The following GSKIP variants were observed in gnomAD, a reference collection of about 807,000 sequenced individuals.
The protein encoded by GSKIP is GSK3B interacting protein, also known as GSK3B-interacting protein.
In GSKIP, 5 loss-of-function variants were observed where a neutral mutation model predicts 11.9. The ratio of observed to expected loss-of-function variants is 0.42; its 90% confidence interval spans 0.22 to 0.89. The LOEUF (loss-of-function observed/expected upper bound fraction) is 0.89, where lower values mean the gene tolerates loss of function less well. Among genes scored for constraint, GSKIP ranks in the 40% least tolerant of loss-of-function variants. GSKIP has a pLI of 0.29. For missense variants in GSKIP, 150 were observed against 166.6 expected (o/e 0.90, Z 0.55); for synonymous variants, 70 against 62.9 (o/e 1.11, Z -0.54).
At chr14:96,369,248 C>T (rs959969810) in intron 1 of GSKIP, among the ~76,000 whole-genome samples, 1 of 151,850 alleles carries the variant, frequency 6.6e-6, no homozygotes, top group African/African-American at 2.4e-5. Context: ...TAACAGCTTA[C>T]AATTAAATAT....
rs1223652674 is a variant in GSKIP at position 96,385,534 on chromosome 14, T to C, written c.270T>C (p.Tyr90=). Residue 90 remains tyrosine, a synonymous_variant, in exon 4 of 4, where the codon TAT becomes TAC. Coordinates refer to ENST00000555181, the MANE Select transcript of GSKIP (RefSeq NM_016472.5). ...CATTTCTCTTGTAGGTGGTAGGCTA[T>C]GCTTTTGACCAGGTAGATGATCATT... ...LTEAGLKVVG[Y]AFDQVDDHLQ... 2 of 1,610,086 alleles carry C rather than the reference T, an allele frequency of 1.2e-6. No individual in the cohort carries two copies. The highest frequency in any genetic ancestry group is 2.7e-5 in the African/African-American group (2 of 74,656).
intron 1 of GSKIP, among the ~76,000 whole-genome samples, chr14:96,378,081 C>T (rs1429410739): frequency 1.3e-5 from 2 of 152,136 alleles, no homozygotes; most frequent in African/African-American, 4.8e-5. Flanking sequence ...TATGGCCAAG[C>T]GCAGTGGCTC....
At chr14:96,366,917 T>C (rs1042156570) in intron 1 of GSKIP, among the ~76,000 whole-genome samples, 2 of 152,086 alleles carry the variant, frequency 1.3e-5, no homozygotes, top group Non-Finnish European at 2.9e-5. Context: ...GCCAAGGAGA[T>C]GTATTTGACC....
chr14:96,371,899 G>C (rs1380331346), intron 1 of GSKIP, among the ~76,000 whole-genome samples: 2 of 152,100 alleles, frequency 1.3e-5, no homozygotes, highest in African/African-American at 4.8e-5. Flanking sequence ...GCCAGACACG[G>C]TGCCTGAAAT....
intron 1 of GSKIP, among the ~76,000 whole-genome samples, chr14:96,371,588 G>T (rs1343114270): frequency 6.6e-6 from 1 of 151,936 alleles, no homozygotes; most frequent in East Asian, 1.9e-4. Context: ...GGGATTATAG[G>T]CACGTGCCAC....
Position 96,374,688 on chromosome 14 carries a change from G to GA in GSKIP, c.-102-4991dup, listed in dbSNP as rs201183075. ...AAGAAACATATTTAAAGACTTGAAA[G>GA]AAAAAAAAACTGCCAACCTAGGATT... On this transcript the variant is annotated intron_variant, in intron 1 of 3. Coordinates refer to ENST00000555181, the MANE Select transcript of GSKIP (RefSeq NM_016472.5). Among the ~76,000 whole-genome samples the GA allele has an allele frequency of 9.7e-4, 146 of 150,600 alleles. 1 individual carries two copies. The East Asian group carries it at 9.7e-3, about 10-fold the overall frequency.
intron 1 of GSKIP, among the ~76,000 whole-genome samples, chr14:96,373,240 A>G (rs1039340115): frequency 1.3e-5 from 2 of 150,098 alleles, no homozygotes; most frequent in Admixed American, 1.3e-4. Context: ...AAAAAAAAAA[A>G]AAAAAAAAAA....
intron 3 of GSKIP, among the ~76,000 whole-genome samples, chr14:96,383,087 T>C (rs879630868): frequency 3.3e-5 from 5 of 152,102 alleles, no homozygotes; most frequent in Non-Finnish European, 7.3e-5. Context: ...GTAGAAAACA[T>C]CACCTGAGAG....
chr14:96,378,615 T>C lies in GSKIP; in HGVS notation c.-102-1073T>C, dbSNP rs116344866. On this transcript the variant is annotated intron_variant, in intron 1 of 3. Coordinates refer to ENST00000555181, the MANE Select transcript of GSKIP (RefSeq NM_016472.5). Reference sequence around the variant, plus strand: ...TATTATAGTAGCAATAGGACACTAATTGATATCCAAAGATTTTGGATATTT... The same window carrying C: ...TATTATAGTAGCAATAGGACACTAACTGATATCCAAAGATTTTGGATATTT... Among the ~76,000 whole-genome samples the C allele has an allele frequency of 2.6e-5, 4 of 152,344 alleles. No homozygotes were observed. The East Asian group carries it at 5.8e-4, about 22-fold the overall frequency.
chr14:96,380,904 T>C (rs1035195773), intron 2 of GSKIP, among the ~76,000 whole-genome samples: 1 of 152,190 alleles, frequency 6.6e-6, no homozygotes, highest in African/African-American at 2.4e-5. Context: ...ACCAGTCTAA[T>C]CTAACTCCAG....
chr14:96,378,272 T>C (rs1326863975), intron 1 of GSKIP, among the ~76,000 whole-genome samples: 3 of 152,164 alleles, frequency 2.0e-5, no homozygotes, highest in African/African-American at 4.8e-5. Context: ...GAGGATCATT[T>C]GAGCCTGAGA....
rs1352624685 is a variant in GSKIP, at chr14:96,363,587, G to A, written c.-103+19G>A. 6.6e-6 allele frequency: 1 copy of A among 152,610 alleles called. No individual in the cohort carries two copies. The highest frequency in any genetic ancestry group is 1.5e-5 in the Non-Finnish European group (1 of 68,310). 9.5% of individuals were successfully genotyped at this position (152,610 alleles called of 1,614,324 possible). On this transcript the variant is annotated intron_variant, in intron 1 of 3. Coordinates refer to ENST00000555181, the MANE Select transcript of GSKIP (RefSeq NM_016472.5). ...CGCGCAGGTGAGCGGCAGCCGGGGTGGCTGCGGGCGAGGGGCGGCCCCCGA... is the reference window on the plus strand; with the variant it reads ...CGCGCAGGTGAGCGGCAGCCGGGGTAGCTGCGGGCGAGGGGCGGCCCCCGA...
chr14:96,377,344 T>A (rs138652777), intron 1 of GSKIP, among the ~76,000 whole-genome samples: 1 of 152,278 alleles, frequency 6.6e-6, no homozygotes, highest in East Asian at 1.9e-4. Context: ...TTTTACAGGA[T>A]TCACATTGAT....
chr14:96,368,829 G>A (rs1310316453), intron 1 of GSKIP, among the ~76,000 whole-genome samples: 1 of 152,062 alleles, frequency 6.6e-6, no homozygotes, highest in Non-Finnish European at 1.5e-5. Flanking sequence ...AAACATCTAA[G>A]GCAGAAAATT....
intron 1 of GSKIP, among the ~76,000 whole-genome samples, chr14:96,370,856 CA>C (rs1181583011): frequency 6.6e-6 from 1 of 152,102 alleles, no homozygotes; most frequent in African/African-American, 2.4e-5. Context: ...TACAGCAATA[CA>C]TAGAGACTAA....
At chr14:96,376,247 T>G (rs140562128) in intron 1 of GSKIP, among the ~76,000 whole-genome samples, 1 of 152,322 alleles carries the variant, frequency 6.6e-6, no homozygotes, top group East Asian at 1.9e-4. Context: ...TCTCTCTAGG[T>G]GTCAGCATGC....
intron 2 of GSKIP, among the ~76,000 whole-genome samples, chr14:96,381,129 C>T (rs1252851211): frequency 6.6e-6 from 1 of 152,218 alleles, no homozygotes; most frequent in Non-Finnish European, 1.5e-5. Context: ...GCCTTTTGTA[C>T]ATTCCAAAGC....
At chr14:96,387,289 G>T (rs1429562052), downstream of GSKIP, 7 of 152,200 alleles carry the variant, frequency 4.6e-5, no homozygotes, top group Admixed American at 4.6e-4. Flanking sequence ...TTAATTCCAA[G>T]AGCTTGTTTC....
intron 1 of GSKIP, among the ~76,000 whole-genome samples, chr14:96,370,458 G>T (rs11850058): frequency 6.6e-6 from 1 of 152,096 alleles, no homozygotes; most frequent in African/African-American, 2.4e-5. Context: ...GAGATGGGAC[G>T]TGGTGAGAGC....
Sources: gnomAD v4.1 joint callset for allele counts (sites outside exome capture counted in the v4.1 genomes callset) on GRCh38, gnomAD v4.1.1 for gene constraint, MANE v1.5 for transcripts, NCBI Gene and HGNC (gene_info 2026-07-23, HGNC 2026-07-21) for gene names.